The following SLC44A5 variants were observed in gnomAD, a reference collection of about 807,000 sequenced individuals.
The protein encoded by SLC44A5 is choline transporter-like protein 5.
A neutral mutation model predicts 101.8 loss-of-function variants in SLC44A5; 57 were observed. The ratio of observed to expected loss-of-function variants is 0.56; its 90% CI spans 0.45 to 0.70. The LOEUF (loss-of-function observed/expected upper bound fraction) is 0.70. Among genes scored for constraint, SLC44A5 ranks in the 30% least tolerant of loss-of-function variants. SLC44A5 has a pLI of 0.00. For missense variants in SLC44A5, 737 were observed against 853.1 expected, an observed-to-expected ratio of 0.86 and a Z score of 1.70; for synonymous variants, 281 against 290.9, an observed-to-expected ratio of 0.97 and a Z score of 0.35.
chr1:75,510,410 A>C (rs1669503146), intron 2 of SLC44A5, among the ~76,000 whole-genome samples: 1 of 152,228 alleles, frequency 6.6e-6, no homozygotes, highest in Admixed American at 6.5e-5. Flanking sequence ...TTTATATGCC[A>C]GTGAAAAGAA....
chr1:75,435,142 C>T (rs1664815191), intron 2 of SLC44A5, among the ~76,000 whole-genome samples: 1 of 152,050 alleles, frequency 6.6e-6, no homozygotes, highest in African/African-American at 2.4e-5. Context: ...TAGTACTTTC[C>T]TCTCTGTTAC....
In SLC44A5 at chr1:75,212,009, C is replaced by T. The variant is rs529315427; in HGVS notation, c.1963-457G>A. Among the ~76,000 whole-genome samples, 7 of 152,118 alleles carry T rather than the reference C, an allele frequency of 4.6e-5. No individual in the cohort carries two copies. The East Asian group carries it at 1.4e-3, about 29-fold the overall frequency. ...AGAGGTGTTCCAGATAACAGAACAACCCTTCTCAACACAGTGATCCAGGGA... is the reference window on the plus strand; with the variant it reads ...AGAGGTGTTCCAGATAACAGAACAATCCTTCTCAACACAGTGATCCAGGGA... On this transcript the variant is annotated intron_variant, in intron 22 of 23. Coordinates refer to ENST00000370859, the MANE Select transcript of SLC44A5 (RefSeq NM_001130058.2).
At chr1:75,633,261 G>T in the SLC44A5 span, among the ~76,000 whole-genome samples, 4 of 152,242 alleles carry the variant, frequency 2.6e-5, no homozygotes, top group Non-Finnish European at 4.4e-5. Flanking sequence ...GTGAAGAAAG[G>T]CATTCGTAGC....
At chr1:75,635,529 A>AATC in the SLC44A5 span, among the ~76,000 whole-genome samples, 14 of 150,714 alleles carry the variant, frequency 9.3e-5, no homozygotes, top group African/African-American at 2.7e-4. Context: ...TGAAATTGGA[A>AATC]ATCATTCTCA....
intron 1 of SLC44A5, among the ~76,000 whole-genome samples, chr1:75,575,760 T>C (rs994176171): frequency 2.6e-5 from 4 of 152,166 alleles, no homozygotes; most frequent in African/African-American, 7.2e-5. Context: ...GCTAGATTAA[T>C]TGACAAAAGA....
At chr1:75,537,034 A>AAAAAAAAAAAAAAAAAAAAG (rs1553199990) in intron 2 of SLC44A5, among the ~76,000 whole-genome samples, 1 of 18,648 alleles carries the variant, frequency 5.4e-5, no homozygotes, top group Non-Finnish European at 1.6e-4. Flanking sequence ...AAAAAAAAAA[A>AAAAAAAAAAAAAAAAAAAAG]TATATATCTA....
At position 75,566,415 on chromosome 1, in the gene SLC44A5, T is replaced by C. The variant is rs572528466; in HGVS notation, c.-69-24899A>G. Among the ~76,000 whole-genome samples the C allele has an allele frequency of 4.6e-5, 7 of 152,350 alleles. No individual in the cohort carries two copies. In the South Asian group the frequency reaches 1.4e-3, roughly 32 times the overall value. ...CCAGCTGCAGTTAAAGCAGAATATG[T>C]GTTATTTTTGTTACAGCAATTTTAA... On this transcript the variant is annotated intron_variant, in intron 1 of 23. Transcript: ENST00000370859.
intron 5 of SLC44A5, among the ~76,000 whole-genome samples, chr1:75,300,014 CA>C (rs35608663): frequency 0.012 from 1,107 of 93,648 alleles, 3 homozygotes; most frequent in African/African-American, 0.037. Flanking sequence ...GACTCTGTCT[CA>C]AAAAAAAAAA....
chr1:75,343,643 C>T (rs973226576), intron 3 of SLC44A5, among the ~76,000 whole-genome samples: 18 of 152,068 alleles, frequency 1.2e-4, no homozygotes, highest in African/African-American at 4.1e-4. Flanking sequence ...AATACATGTT[C>T]TAGAACTTAA....
intron 3 of SLC44A5, among the ~76,000 whole-genome samples, chr1:75,394,039 A>G (rs2101379281): frequency 6.6e-6 from 1 of 152,314 alleles, no homozygotes; most frequent in South Asian, 2.1e-4. Context: ...ATGGGATCAG[A>G]TACAATTACC....
intron 4 of SLC44A5, among the ~76,000 whole-genome samples, chr1:75,312,169 C>T (rs1655355743): frequency 1.3e-5 from 2 of 152,122 alleles, no homozygotes; most frequent in Admixed American, 1.3e-4. Flanking sequence ...TCTTCCCTGC[C>T]ACCATGTAAG....
intron 2 of SLC44A5, among the ~76,000 whole-genome samples, chr1:75,527,896 C>T (rs765491304): frequency 4.2e-4 from 64 of 152,166 alleles, no homozygotes; most frequent in Non-Finnish European, 8.1e-4. Context: ...CATTTTCCCC[C>T]TTTGCTCTTT....
chr1:75,489,084 G>A (rs1385077057), intron 2 of SLC44A5, among the ~76,000 whole-genome samples: 2 of 152,088 alleles, frequency 1.3e-5, no homozygotes, highest in Non-Finnish European at 2.9e-5. Context: ...CCAACCTCAG[G>A]TGATCTGCCT....
At chr1:75,502,519 T>C (rs1166658411) in intron 2 of SLC44A5, among the ~76,000 whole-genome samples, 1 of 152,122 alleles carries the variant, frequency 6.6e-6, no homozygotes, top group Non-Finnish European at 1.5e-5. Context: ...AAAATAAAGA[T>C]ATATTTCAAG....
intron 2 of SLC44A5, among the ~76,000 whole-genome samples, chr1:75,537,862 C>A (rs1224426900): frequency 6.6e-6 from 1 of 151,968 alleles, no homozygotes; most frequent in South Asian, 2.1e-4. Context: ...ACTGTGCTGG[C>A]CACTAGGAAT....
chr1:75,696,677 C>T, the SLC44A5 span, among the ~76,000 whole-genome samples: 2 of 151,864 alleles, frequency 1.3e-5, 1 homozygote, highest in East Asian at 3.9e-4. Context: ...GGGGAGACCA[C>T]GAGGTCAGGA....
intron 2 of SLC44A5, among the ~76,000 whole-genome samples, chr1:75,418,271 G>A (rs1663784888): frequency 6.6e-6 from 1 of 152,130 alleles, no homozygotes; most frequent in Admixed American, 6.5e-5. Flanking sequence ...ATCTGCCAGA[G>A]CCTAGGAATA....
At chr1:75,334,567 C>G (rs530780785) in intron 4 of SLC44A5, among the ~76,000 whole-genome samples, 3 of 152,044 alleles carry the variant, frequency 2.0e-5, no homozygotes, top group Non-Finnish European at 4.4e-5. Flanking sequence ...TGTTTAACAA[C>G]TAGTTTGATT....
At chr1:75,600,588 G>C (rs911388117) in intron 1 of SLC44A5, among the ~76,000 whole-genome samples, 9 of 152,052 alleles carry the variant, frequency 5.9e-5, no homozygotes, top group African/African-American at 2.2e-4. Context: ...GCAAAACAAA[G>C]TACAGTCATG....
Sources: allele counts gnomAD v4.1 joint callset (sites outside exome capture counted in the v4.1 genomes callset), GRCh38; gene constraint gnomAD v4.1.1; transcripts MANE v1.5; gene names NCBI Gene and HGNC (gene_info 2026-07-23, HGNC 2026-07-21).